Variants in MMP15 observed in about 807,000 individuals in gnomAD.
MMP15 encodes the protein matrix metallopeptidase 15.
MMP15 carries 36 observed loss-of-function variants against 65.0 expected under a neutral mutation model. That is an observed-to-expected ratio of 0.55 (90% CI 0.42 to 0.73). MMP15 has a LOEUF of 0.73. Ranked by LOEUF, MMP15 falls within the 30% of genes least tolerant of loss-of-function variation. MMP15 has a pLI of 0.00. For synonymous variants in MMP15, 428 were observed against 410.2 expected (o/e 1.04, Z -0.52); for missense variants, 870 against 987.8 (o/e 0.88, Z 1.60).
At chr16:58,028,269 T>C (rs965683399) in intron 1 of MMP15, among the ~76,000 whole-genome samples, 3 of 152,162 alleles carry the variant, frequency 2.0e-5, no homozygotes, top group African/African-American at 4.8e-5. Context: ...GGTTGCGTTA[T>C]CACAAACCGT....
chr16:58,045,090 A>G lies in MMP15; in HGVS notation c.1654A>G (p.Ile552Val), dbSNP rs577000483. 5 of 1,612,444 alleles carry G rather than the reference A, an allele frequency of 3.1e-6. No homozygotes were observed. Among genetic ancestry groups the G allele is most frequent in the Non-Finnish European group, 4.2e-6 (5 of 1,179,506 alleles). Reference protein sequence around the residue: ...LRMEPGYPKSILRDFMGCQEH... With the variant: ...LRMEPGYPKSVLRDFMGCQEH... ...GATGGAGCCCGGCTACCCCAAGTCC[A>G]TCCTGCGGGACTTCATGGGCTGCCA... The change falls in exon 10 of 10, where the codon ATC becomes GTC. Residue 552 changes from isoleucine to valine, a missense_variant. Transcript: ENST00000219271.
At chr16:58,031,073 G>A (rs1344416614) in intron 1 of MMP15, among the ~76,000 whole-genome samples, 1 of 152,108 alleles carries the variant, frequency 6.6e-6, no homozygotes, top group Non-Finnish European at 1.5e-5. Flanking sequence ...TTTAATCCTT[G>A]TATTAACTCT....
At chr16:58,040,974 C>G in intron 5 of MMP15, 1 of 534,768 alleles carries the variant, frequency 1.9e-6, no homozygotes, top group East Asian at 3.4e-5. Flanking sequence ...TCCTCCTCAC[C>G]CTTGGCAGTA....
rs765880502 is a variant in MMP15, at chr16:58,043,531, G to C, written c.1474G>C (p.Glu492Gln). The change falls in exon 9 of 10, where the codon GAG (glutamate) becomes CAG (glutamine). Residue 492 changes from glutamate to glutamine, a missense_variant. Glu to Gln is a conservative substitution (Grantham distance 29). Coordinates refer to ENST00000219271, the MANE Select transcript of MMP15 (RefSeq NM_002428.4). ...QEDRYWRFNE[E>Q]TQRGDPGYPK... is the part of the protein sequence containing the mutation. ...TCACAGGTACTGGCGCTTCAACGAGGAGACACAGCGTGGAGACCCTGGGTA... is the reference window on the plus strand; with the variant it reads ...TCACAGGTACTGGCGCTTCAACGAGCAGACACAGCGTGGAGACCCTGGGTA... 5 of 1,614,022 alleles carry C rather than the reference G, an allele frequency of 3.1e-6. No individual in the cohort carries two copies. The South Asian group carries it at 5.5e-5, about 18-fold the overall frequency.
intron 1 of MMP15, among the ~76,000 whole-genome samples, chr16:58,036,776 G>C (rs573374972): frequency 6.6e-6 from 1 of 152,338 alleles, no homozygotes; most frequent in East Asian, 1.9e-4. Context: ...AAAGAGTAAG[G>C]CCTCAAGAGG....
At position 58,039,890 on chromosome 16, in the gene MMP15, G is replaced by A. The variant is rs750787074; in HGVS notation, c.456G>A (p.Thr152=). The part of the protein sequence containing the change: ...HHLTFSIQNY[T]EKLGWYHSME... ...CCACCCCCAGCATCCAGAACTACAC[G>A]GAGAAGTTGGGCTGGTACCACTCGA... The change falls in exon 4 of 10, where the codon ACG becomes ACA. Residue 152 remains threonine, a synonymous_variant. Coordinates refer to ENST00000219271, the MANE Select transcript of MMP15 (RefSeq NM_002428.4). 1.1e-5 allele frequency: 18 copies of A among 1,603,582 alleles called. No homozygotes were observed. Among genetic ancestry groups the A allele is most frequent in the Admixed American group, 3.3e-5 (2 of 59,794 alleles).
chr16:58,035,860 T>C (rs1260842279), intron 1 of MMP15, among the ~76,000 whole-genome samples: 1 of 152,118 alleles, frequency 6.6e-6, no homozygotes, highest in African/African-American at 2.4e-5. Context: ...AGCTGCTCCG[T>C]CTATTGGCAG....
At chr16:58,036,289 C>T (rs1223638172) in intron 1 of MMP15, among the ~76,000 whole-genome samples, 3 of 152,226 alleles carry the variant, frequency 2.0e-5, no homozygotes, top group African/African-American at 7.2e-5. Flanking sequence ...AGGGCAGAAT[C>T]CCCTCTCTAC....
At chr16:58,030,518 G>A (rs1963878807) in intron 1 of MMP15, among the ~76,000 whole-genome samples, 1 of 152,178 alleles carries the variant, frequency 6.6e-6, no homozygotes, top group Non-Finnish European at 1.5e-5. Context: ...ATCAGGACAG[G>A]TGGATAAGCC....
intron 5 of MMP15, 83 bp downstream of exon 5, chr16:58,040,781 T>A: frequency 1.3e-6 from 2 of 1,586,016 alleles, no homozygotes; most frequent in African/African-American, 2.7e-5. Context: ...GCCATCCCCA[T>A]TTTGTAGATG....
In MMP15 at chr16:58,045,150, G is replaced by A. The variant is rs529761128; in HGVS notation, c.1714G>A (p.Val572Met). The part of the protein sequence containing the change: ...HVEPGPRWPD[V>M]ARPPFNPHGG... ...GGAGCCAGGCCCCCGATGGCCCGAC[G>A]TGGCCCGGCCGCCCTTCAACCCCCA... The change falls in exon 10 of 10, where the codon GTG (valine) becomes ATG (methionine). Residue 572 changes from valine (V) to methionine (M), a missense_variant. Transcript: ENST00000219271. 2.3e-5 allele frequency: 36 copies of A among 1,599,172 alleles called. No individual in the cohort carries two copies. Among genetic ancestry groups the A allele is most frequent in the African/African-American group, 1.2e-4 (9 of 74,840 alleles).
intron 3 of MMP15, 66 bp downstream of exon 3, chr16:58,038,460 C>T: frequency 1.9e-6 from 3 of 1,597,284 alleles, no homozygotes; most frequent in Non-Finnish European, 2.6e-6. Context: ...ACCTCCTTTC[C>T]CAGAGCCCAC....
intron 1 of MMP15, among the ~76,000 whole-genome samples, chr16:58,032,429 G>A (rs1373027650): frequency 6.6e-6 from 1 of 152,214 alleles, no homozygotes; most frequent in Non-Finnish European, 1.5e-5. Context: ...AGAATGGGGG[G>A]CCTTGAGTGG....
intron 1 of MMP15, among the ~76,000 whole-genome samples, chr16:58,032,957 CGGGGAGG>C (rs1959260268): frequency 6.6e-6 from 1 of 152,156 alleles, no homozygotes; most frequent in Non-Finnish European, 1.5e-5. Context: ...ATAAGGGCCC[CGGGGAGG>C]GGGCTGCCGG....
chr16:58,043,859 G>C (rs776637955), intron 9 of MMP15, among the ~76,000 whole-genome samples: 9 of 152,208 alleles, frequency 5.9e-5, no homozygotes, highest in Non-Finnish European at 2.9e-5. Context: ...CTTGAGCAGA[G>C]TGCCCCAAAT....
Position 58,026,349 on chromosome 16 carries a change from G to A in MMP15, c.-2G>A. On this transcript the variant is annotated 5_prime_UTR_variant, in exon 1 of 10. Transcript: ENST00000219271. Reference sequence around the variant, plus strand: ...TTCCGAGCTGGGCTGGGCGCCGAGAGCATGGGCAGCGACCCGAGCGCGCCC... The same window carrying A: ...TTCCGAGCTGGGCTGGGCGCCGAGAACATGGGCAGCGACCCGAGCGCGCCC... The A allele has an allele frequency of 1.5e-6, 2 of 1,346,936 alleles. No homozygotes were observed. Among genetic ancestry groups the A allele is most frequent in the Non-Finnish European group, 1.9e-6 (2 of 1,054,898 alleles). 83.4% of individuals were successfully genotyped at this position (1,346,936 alleles called of 1,614,324 possible).
intron 7 of MMP15, 116 bp downstream of exon 7, chr16:58,042,485 C>G (rs1959477498): frequency 1.4e-6 from 2 of 1,397,004 alleles, no homozygotes; most frequent in South Asian, 1.4e-5. Flanking sequence ...CCTGTGCCCC[C>G]ACTGTGGGCT....
Position 58,037,480 on chromosome 16 carries a change from G to A in MMP15, c.171G>A (p.Leu57=), listed in dbSNP as rs1399421989. Residue 57 remains leucine, a synonymous_variant, in exon 2 of 10, where the codon CTG becomes CTA. Coordinates refer to ENST00000219271, the MANE Select transcript of MMP15 (RefSeq NM_002428.4). ...EDAEVHAENW[L]RLYGYLPQPS... ...TTGCGGCTTCTTTGCAGAACTGGCT[G>A]CGGCTTTATGGCTACCTGCCTCAGC... 1 of 1,613,782 alleles carries A rather than the reference G, an allele frequency of 6.2e-7. No individual in the cohort carries two copies. The highest frequency in any genetic ancestry group is 1.7e-5 in the Admixed American group (1 of 60,006).
intron 3 of MMP15, among the ~76,000 whole-genome samples, chr16:58,038,686 T>G (rs914433113): frequency 6.6e-6 from 1 of 152,172 alleles, no homozygotes; most frequent in African/African-American, 2.4e-5. Context: ...GGGGGATGGC[T>G]GGGGTGCAGG....
Sources: allele counts gnomAD v4.1 joint callset (sites outside exome capture counted in the v4.1 genomes callset), GRCh38; gene constraint gnomAD v4.1.1; transcripts MANE v1.5; gene names NCBI Gene and HGNC (gene_info 2026-07-23, HGNC 2026-07-21).